Variants in REDIC1 observed in about 807,000 individuals in gnomAD.
The protein encoded by REDIC1 is regulator of DNA class I crossover intermediates 1.
chr12:39,802,589 G>T, the REDIC1 span, among the ~76,000 whole-genome samples: 1 of 152,094 alleles, frequency 6.6e-6, no homozygotes, highest in African/African-American at 2.4e-5. Flanking sequence ...AAGAAAACTT[G>T]TATGTTTCTG....
chr12:39,654,820 C>A, the REDIC1 span, among the ~76,000 whole-genome samples: 2 of 152,140 alleles, frequency 1.3e-5, no homozygotes, highest in African/African-American at 4.8e-5. Flanking sequence ...GGTATTATTT[C>A]TTTTCTAAGT....
chr12:39,713,838 CGT>C, the REDIC1 span, among the ~76,000 whole-genome samples: 11,380 of 147,384 alleles, frequency 0.077, 579 homozygotes, highest in Non-Finnish European at 0.12. Context: ...TGTATATACA[CGT>C]ATATATATGC....
At chr12:39,776,432 A>G in the REDIC1 span, among the ~76,000 whole-genome samples, 1 of 152,234 alleles carries the variant, frequency 6.6e-6, no homozygotes, top group Non-Finnish European at 1.5e-5. Flanking sequence ...CCAGTGCCCT[A>G]GGAAGCGGCT....
the REDIC1 span, among the ~76,000 whole-genome samples, chr12:39,711,534 T>C: frequency 2.6e-4 from 32 of 123,218 alleles, no homozygotes; most frequent in African/African-American, 8.0e-4. Flanking sequence ...TATGTGTATA[T>C]ACATATATGT....
chr12:39,745,807 G>A, the REDIC1 span: 1 of 152,186 alleles, frequency 6.6e-6, no homozygotes, highest in Non-Finnish European at 1.5e-5. Context: ...CTTTTTTGCT[G>A]TTGTTAATGT....
chr12:39,677,454 A>T, the REDIC1 span, among the ~76,000 whole-genome samples: 1 of 152,188 alleles, frequency 6.6e-6, no homozygotes, highest in East Asian at 1.9e-4. Flanking sequence ...AACAATTACC[A>T]CTAGACCTAA....
the REDIC1 span, among the ~76,000 whole-genome samples, chr12:39,787,534 A>G: frequency 6.6e-6 from 1 of 152,044 alleles, no homozygotes; most frequent in African/African-American, 2.4e-5. Context: ...CAGGCATACT[A>G]CTTTTCTTAA....
At chr12:39,704,936 G>A in the REDIC1 span, among the ~76,000 whole-genome samples, 1 of 152,070 alleles carries the variant, frequency 6.6e-6, no homozygotes, top group Non-Finnish European at 1.5e-5. Context: ...GTGGGGGGAG[G>A]GAGGAGGGAT....
the REDIC1 span, among the ~76,000 whole-genome samples, chr12:39,892,239 C>T: frequency 6.6e-6 from 1 of 152,218 alleles, no homozygotes; most frequent in African/African-American, 2.4e-5. Context: ...TTGTCTATCT[C>T]ATTAATCTGC....
the REDIC1 span, among the ~76,000 whole-genome samples, chr12:39,787,906 A>G: frequency 6.6e-6 from 1 of 152,188 alleles, no homozygotes; most frequent in Non-Finnish European, 1.5e-5. Context: ...GTATTGATGA[A>G]AAGAGCAGTA....
the REDIC1 span, among the ~76,000 whole-genome samples, chr12:39,746,331 C>G: frequency 2.4e-4 from 37 of 152,076 alleles, no homozygotes; most frequent in Non-Finnish European, 4.9e-4. Context: ...TGGAACCTCA[C>G]TCATTGCTCA....
chr12:39,688,449 A>G, the REDIC1 span, among the ~76,000 whole-genome samples: 1 of 152,140 alleles, frequency 6.6e-6, no homozygotes, highest in South Asian at 2.1e-4. Context: ...AATTTCAAGT[A>G]CCTTGTTTCA....
chr12:39,844,518 G>A, the REDIC1 span, among the ~76,000 whole-genome samples: 1 of 151,884 alleles, frequency 6.6e-6, no homozygotes, highest in Admixed American at 6.6e-5. Flanking sequence ...AAGTTCAAAA[G>A]CAACTCAGTG....
At chr12:39,895,836 ATGCACACACATATGTATATG>A in the REDIC1 span, among the ~76,000 whole-genome samples, 47 of 104,550 alleles carry the variant, frequency 4.5e-4, 14 homozygotes, top group African/African-American at 1.4e-3. Flanking sequence ...ATGCGTGTAT[ATGCACACACATATGTATATG>A]CGTGTATATG....
At chr12:39,837,873 A>G in the REDIC1 span, among the ~76,000 whole-genome samples, 2 of 151,226 alleles carry the variant, frequency 1.3e-5, no homozygotes, top group African/African-American at 4.8e-5. Context: ...AGAAATAGAA[A>G]CACTTTTACA....
the REDIC1 span, among the ~76,000 whole-genome samples, chr12:39,669,638 C>T: frequency 6.6e-6 from 1 of 152,220 alleles, no homozygotes. Context: ...TTGTCTATGC[C>T]CTGCCCCCAG....
At chr12:39,871,874 A>C in the REDIC1 span, 1 of 1,612,402 alleles carries the variant, frequency 6.2e-7, no homozygotes, top group Non-Finnish European at 8.5e-7. Flanking sequence ...TGAAAATGAA[A>C]TTTGTGAAGG....
chr12:39,829,130 A>G, the REDIC1 span, among the ~76,000 whole-genome samples: 14 of 152,186 alleles, frequency 9.2e-5, no homozygotes, highest in African/African-American at 3.1e-4. Flanking sequence ...GATTAAAGCC[A>G]TATCAGATAA....
At chr12:39,673,514 G>T in the REDIC1 span, among the ~76,000 whole-genome samples, 1 of 152,034 alleles carries the variant, frequency 6.6e-6, no homozygotes, top group Non-Finnish European at 1.5e-5. Context: ...GCATAATCTG[G>T]GCCCTTTTGT....
Sources: gnomAD v4.1 joint callset for allele counts (sites outside exome capture counted in the v4.1 genomes callset) on GRCh38, gnomAD v4.1.1 for gene constraint, MANE v1.5 for transcripts, NCBI Gene and HGNC (gene_info 2026-07-23, HGNC 2026-07-21) for gene names.